TRMT9B: variants seen among roughly 807,000 people sequenced by gnomAD.
TRMT9B encodes the protein tRNA methyltransferase 9B (putative).
TRMT9B carries 16 observed loss-of-function variants against 11.5 expected under a neutral mutation model. The observed-to-expected ratio is 1.39, with a 90% CI of 0.94 to 2.11. The LOEUF (loss-of-function observed/expected upper bound fraction) is 2.11. TRMT9B is among the 30% of genes most tolerant of loss of function. The probability of loss-of-function intolerance (pLI) is 0.00; values close to 1 mark genes in which losing one functional copy is unlikely to be tolerated. For synonymous variants in TRMT9B, 274 were observed against 192.4 expected (o/e 1.42, Z -3.51); for missense variants, 941 against 553.8 (o/e 1.70, Z -7.02).
At chr8:12,992,795 G>C (rs1563378934) in intron 2 of TRMT9B, among the ~76,000 whole-genome samples, 3 of 152,116 alleles carry the variant, frequency 2.0e-5, no homozygotes, top group Admixed American at 6.5e-5. Flanking sequence ...CTTGAATCTG[G>C]GAGGCAGAGG....
At chr8:13,002,198 C>G (rs1238439411) in intron 2 of TRMT9B, among the ~76,000 whole-genome samples, 2 of 152,102 alleles carry the variant, frequency 1.3e-5, no homozygotes, top group Non-Finnish European at 2.9e-5. Context: ...ACTACAAATT[C>G]TGAGCTTGAA....
intron 2 of TRMT9B, among the ~76,000 whole-genome samples, chr8:13,005,362 T>G (rs534400876): frequency 6.6e-6 from 1 of 152,274 alleles, no homozygotes; most frequent in Admixed American, 6.5e-5. Flanking sequence ...GACCTAGTAT[T>G]TGCTAGGACA....
In TRMT9B at chr8:12,987,292, A is replaced by T. The variant is rs555799876; in HGVS notation, c.-199-3542A>T. Among the ~76,000 whole-genome samples the T allele has an allele frequency of 8.5e-5, 13 of 152,340 alleles. No individual in the cohort carries two copies. The South Asian group carries it at 2.5e-3, about 29-fold the overall frequency. On this transcript the variant is annotated intron_variant, in intron 1 of 4. Transcript: ENST00000524591. ...GGAAGAGTCAATGTGTTAAATGCTT[A>T]CAACACGGCCTGGCCCATAGCAAAT...
chr8:12,984,640 TG>T (rs1347303964), intron 1 of TRMT9B, among the ~76,000 whole-genome samples: 2 of 152,156 alleles, frequency 1.3e-5, no homozygotes, highest in Non-Finnish European at 2.9e-5. Flanking sequence ...GGTACTATTT[TG>T]GGGGACCTAT....
At position 13,006,637 on chromosome 8, in the gene TRMT9B, G is replaced by A. The variant is rs1190209038; in HGVS notation, c.154+281G>A. On this transcript the variant is annotated intron_variant, in intron 3 of 4. Coordinates refer to ENST00000524591, the MANE Select transcript of TRMT9B (RefSeq NM_020844.3). ...GCAGAAACTCGAGACAGTCAAGTCAGCAGCAAGTAAAAAACTTTCTCAAAC... is the reference window on the plus strand; with the variant it reads ...GCAGAAACTCGAGACAGTCAAGTCAACAGCAAGTAAAAAACTTTCTCAAAC... 21 of 1,354,260 alleles carry A rather than the reference G, an allele frequency of 1.6e-5. No individual in the cohort carries two copies. In the East Asian group the frequency reaches 5.3e-4, roughly 34 times the overall value. The allele number at this position is 1,354,260 out of a possible 1,614,324, so 83.9% of individuals were successfully genotyped here.
intron 1 of TRMT9B, among the ~76,000 whole-genome samples, chr8:12,946,252 T>G (rs982155153): frequency 6.6e-6 from 1 of 152,152 alleles, no homozygotes; most frequent in Non-Finnish European, 1.5e-5. Context: ...GGAATTATCT[T>G]TTATGGAAGA....
chr8:13,006,244 C>A lies in TRMT9B; in HGVS notation c.42C>A (p.His14Gln). ...CCCAGCTGGAGAAGCAGCATGTGCA[C>A]AATGTGTACGAGAGCACAGCCCCTT... Reference protein sequence around the residue: ...EAAQLEKQHVHNVYESTAPYF... With the variant: ...EAAQLEKQHVQNVYESTAPYF... The change falls in exon 3 of 5, where the codon CAC (histidine) becomes CAA (glutamine). Residue 14 changes from histidine (H) to glutamine (Q), a missense_variant. Physicochemically the swap from His to Gln is conservative, Grantham distance 24. Transcript: ENST00000524591. The A allele has an allele frequency of 6.2e-7, 1 of 1,613,978 alleles. No individual in the cohort carries two copies. The highest frequency in any genetic ancestry group is 1.1e-5 in the South Asian group (1 of 91,058).
At chr8:13,011,027 T>A (rs1811509043) in intron 3 of TRMT9B, 1 of 707,324 alleles carries the variant, frequency 1.4e-6, no homozygotes, top group Non-Finnish European at 1.7e-6. Flanking sequence ...TGTCATCACC[T>A]AGGCTGGAGT....
rs758696195 is a variant in TRMT9B, at chr8:13,022,062, A to G, written c.*18A>G. ...GTGATTGATTGGATCCTTTTAGACA[A>G]CTCCTCCAAAAGATGAACCACATTC... On this transcript the variant is annotated 3_prime_UTR_variant, in exon 5 of 5. Transcript: ENST00000524591. 3 of 1,496,120 alleles carry G rather than the reference A, an allele frequency of 2.0e-6. No individual in the cohort carries two copies. The South Asian group carries it at 4.0e-5, about 20-fold the overall frequency. 92.7% of individuals were successfully genotyped at this position (1,496,120 alleles called of 1,614,324 possible).
rs1811892681 is a variant in TRMT9B, at chr8:13,012,775, T to G, written c.246T>G (p.Asn82Lys). 3 of 1,613,818 alleles carry G rather than the reference T, an allele frequency of 1.9e-6. No individual in the cohort carries two copies. Among genetic ancestry groups the G allele is most frequent in the Non-Finnish European group, 1.7e-6 (2 of 1,179,896 alleles). Residue 82 changes from asparagine (N) to lysine (K), a missense_variant, in exon 4 of 5, where the codon AAT becomes AAG. Asn to Lys is a moderately conservative substitution (Grantham distance 94, BLOSUM62 0). Transcript: ENST00000524591. ...YCGPLVEIAR[N>K]RGCEAMVCDN... ...GGCCACTGGTAGAGATTGCCCGGAA[T>G]AGAGGATGTGAAGCCATGGTATGTG...
intron 3 of TRMT9B, chr8:13,011,774 G>A: frequency 1.0e-6 from 1 of 959,656 alleles, no homozygotes; most frequent in Non-Finnish European, 1.2e-6. Flanking sequence ...TTTATAATCT[G>A]AGTTGTATAC....
Position 13,021,862 on chromosome 8 carries a change from G to C in TRMT9B, c.1183G>C (p.Val395Leu), listed in dbSNP as rs369612927. The change falls in exon 5 of 5, where the codon GTC becomes CTC. Residue 395 changes from valine to leucine, a missense_variant. Val to Leu is a conservative substitution (Grantham distance 32, BLOSUM62 1). Coordinates refer to ENST00000524591, the MANE Select transcript of TRMT9B (RefSeq NM_020844.3). ...TDFNPDDTMS[V>L]EDPQTDVLDS... is the part of the protein sequence containing the mutation. ...TTTCAACCCAGATGATACAATGTCTGTCGAAGATCCACAGACTGATGTTTT... is the reference window on the plus strand; with the variant it reads ...TTTCAACCCAGATGATACAATGTCTCTCGAAGATCCACAGACTGATGTTTT... 6.2e-7 allele frequency: 1 copy of C among 1,613,842 alleles called. No homozygotes were observed.
intron 3 of TRMT9B, chr8:13,006,598 A>G: frequency 2.9e-6 from 4 of 1,403,004 alleles, no homozygotes; most frequent in Non-Finnish European, 3.7e-6. Flanking sequence ...AGTACCTAGA[A>G]TATTCATTTT....
intron 2 of TRMT9B, among the ~76,000 whole-genome samples, chr8:13,001,599 C>G (rs569847566): frequency 2.0e-4 from 30 of 152,304 alleles, no homozygotes; most frequent in Admixed American, 1.2e-3. Context: ...TCCACAGTGT[C>G]TTCTACAGAA....
intron 1 of TRMT9B, among the ~76,000 whole-genome samples, chr8:12,955,134 A>T (rs1801130507): frequency 1.3e-5 from 2 of 152,148 alleles, no homozygotes; most frequent in African/African-American, 4.8e-5. Context: ...TCACTGGTTT[A>T]ATCCCCCATC....
intron 4 of TRMT9B, among the ~76,000 whole-genome samples, chr8:13,015,165 T>C (rs1482620086): frequency 6.6e-6 from 1 of 152,106 alleles, no homozygotes; most frequent in Non-Finnish European, 1.5e-5. Flanking sequence ...TTTTATTTTT[T>C]ATTTTTTTAA....
At chr8:12,961,128 A>T (rs1205578731) in intron 1 of TRMT9B, among the ~76,000 whole-genome samples, 1 of 152,100 alleles carries the variant, frequency 6.6e-6, no homozygotes, top group East Asian at 1.9e-4. Flanking sequence ...TGACAGAGTG[A>T]GACTCCATCT....
intron 1 of TRMT9B, among the ~76,000 whole-genome samples, chr8:12,982,216 A>G (rs1805514275): frequency 6.6e-6 from 1 of 152,180 alleles, no homozygotes; most frequent in Non-Finnish European, 1.5e-5. Flanking sequence ...ATCCTGGACC[A>G]GGTGAGGACT....
intron 1 of TRMT9B, among the ~76,000 whole-genome samples, chr8:12,948,850 C>A (rs192988285): frequency 7.9e-5 from 12 of 152,140 alleles, no homozygotes; most frequent in African/African-American, 2.7e-4. Flanking sequence ...GTCCCCGCTA[C>A]TTGGGAGGCT....
Sources: allele counts gnomAD v4.1 joint callset (sites outside exome capture counted in the v4.1 genomes callset), GRCh38; gene constraint gnomAD v4.1.1; transcripts MANE v1.5; gene names NCBI Gene and HGNC (gene_info 2026-07-23, HGNC 2026-07-21).